Variants in SMARCA4 observed in about 807,000 individuals in gnomAD.
SMARCA4 encodes the protein SWI/SNF-related matrix-associated actin-dependent regulator of chromatin subfamily A member 4.
A neutral mutation model predicts 193.9 loss-of-function variants in SMARCA4; 31 were observed. That is an observed-to-expected ratio of 0.16 (90% CI 0.12 to 0.22). The LOEUF is 0.22. Among genes scored for constraint, SMARCA4 ranks in the 10% least tolerant of loss-of-function variants. SMARCA4 has a pLI of 1.00. For synonymous variants in SMARCA4, 942 were observed against 933.1 expected (o/e 1.01, Z -0.17); for missense variants, 1,148 against 2,296.0 (o/e 0.50, Z 10.22).
chr19:10,966,882 C>T lies in SMARCA4; in HGVS notation c.-32+5708C>T, dbSNP rs537336977. Among the ~76,000 whole-genome samples the T allele has an allele frequency of 3.3e-5, 5 of 149,894 alleles. No homozygotes were observed. The East Asian group carries it at 5.9e-4, about 18-fold the overall frequency. On this transcript the variant is annotated intron_variant, in intron 1 of 34. Transcript: ENST00000344626. ...CAGCCTGGGCGACAGAGCAAGACTA[C>T]GTCTCTACAAAAGAAAAAAAAAAAG...
Position 11,062,007 on chromosome 19 carries a change from T to C in SMARCA4, c.*191T>C. 1.6e-6 allele frequency: 1 copy of C among 643,366 alleles called. No homozygotes were observed. The highest frequency in any genetic ancestry group is 2.8e-6 in the Non-Finnish European group (1 of 353,108). 39.9% of individuals were successfully genotyped at this position (643,366 alleles called of 1,614,324 possible). ...GTGACTGGCCCTGTCCTGGCATCAG[T>C]AGCATCTGTAACAGCATTAACTGTC... On this transcript the variant is annotated 3_prime_UTR_variant, in exon 35 of 35. Coordinates refer to ENST00000344626, the MANE Select transcript of SMARCA4 (RefSeq NM_003072.5).
intron 30 of SMARCA4, among the ~76,000 whole-genome samples, chr19:11,055,952 A>G (rs1453798738): frequency 6.6e-6 from 1 of 151,822 alleles, no homozygotes; most frequent in Non-Finnish European, 1.5e-5. Context: ...AGACTATCGC[A>G]TTGGGGTTCT....
intron 30 of SMARCA4, among the ~76,000 whole-genome samples, chr19:11,044,404 G>A (rs1032547159): frequency 2.0e-5 from 3 of 152,158 alleles, no homozygotes; most frequent in South Asian, 4.1e-4. Flanking sequence ...TAATGGACAC[G>A]CTGATGGAGA....
In SMARCA4 at chr19:11,019,844, G is replaced by T; in HGVS notation, c.2616+143G>T. 1 of 702,986 alleles carries T rather than the reference G, an allele frequency of 1.4e-6. No homozygotes were observed. The highest frequency in any genetic ancestry group is 2.6e-6 in the Non-Finnish European group (1 of 390,148). 43.5% of individuals were successfully genotyped at this position (702,986 alleles called of 1,614,324 possible). ...GTGAAGACAGCTGCCCTGTGTAGGG[G>T]AAAGGCCTAGGTGGGGGCGACCTCA... On this transcript the variant is annotated intron_variant, in intron 18 of 34. Coordinates refer to ENST00000344626, the MANE Select transcript of SMARCA4 (RefSeq NM_003072.5). This position sits in a 1 kb window ranked among gnomAD's most constrained non-coding sequence, Gnocchi z 6.1.
At chr19:10,992,958 C>T (rs1339792979) in intron 8 of SMARCA4, among the ~76,000 whole-genome samples, 1 of 141,634 alleles carries the variant, frequency 7.1e-6, no homozygotes, top group African/African-American at 2.6e-5. Flanking sequence ...TTAAATAGCC[C>T]TTTTTAAATT....
chr19:11,011,492 T>C (rs1304662044), intron 15 of SMARCA4, among the ~76,000 whole-genome samples: 1 of 152,214 alleles, frequency 6.6e-6, no homozygotes, highest in Non-Finnish European at 1.5e-5. Context: ...CCCAAAGTGC[T>C]GGGATTACAG....
intron 30 of SMARCA4, among the ~76,000 whole-genome samples, chr19:11,043,639 A>G (rs1341911127): frequency 1.3e-5 from 2 of 152,112 alleles, no homozygotes; most frequent in East Asian, 1.9e-4. Flanking sequence ...GGGTGATGGA[A>G]TGAGACCCTG....
chr19:10,973,961 C>T (rs1211678419), intron 1 of SMARCA4, among the ~76,000 whole-genome samples: 2 of 152,128 alleles, frequency 1.3e-5, no homozygotes, highest in African/African-American at 4.8e-5. Context: ...CCATCCTGCC[C>T]ATTGCTGTTG....
intron 30 of SMARCA4, among the ~76,000 whole-genome samples, chr19:11,043,144 C>A (rs11665873): frequency 0.39 from 59,700 of 151,718 alleles, 11,900 homozygotes; most frequent in East Asian, 0.56. Flanking sequence ...TACAAAAATT[C>A]GCCGAGCGTA....
At position 11,019,626 on chromosome 19, in the gene SMARCA4, G is replaced by A. The variant is rs1064796361; in HGVS notation, c.2541G>A (p.Gln847=). 1 of 1,613,188 alleles carries A rather than the reference G, an allele frequency of 6.2e-7. No homozygotes were observed. The highest frequency in any genetic ancestry group is 8.5e-7 in the Non-Finnish European group (1 of 1,179,626). ...SPAARRAFVP[Q]LRSGKFNVLL... ...CAGCAAGACGGGCCTTTGTCCCCCA[G>A]CTCCGGAGTGGGAAGTTCAACGTCT... Residue 847 remains glutamine, a synonymous_variant, in exon 18 of 35, where the codon CAG becomes CAA. Transcript: ENST00000344626. This position sits in a 1 kb window ranked among gnomAD's most constrained non-coding sequence, Gnocchi z 6.1.
At chr19:10,977,348 A>G (rs1195403000) in intron 1 of SMARCA4, among the ~76,000 whole-genome samples, 1 of 150,770 alleles carries the variant, frequency 6.6e-6, no homozygotes, top group Non-Finnish European at 1.5e-5. Flanking sequence ...TTTTGAGATG[A>G]ACTCTTGCTC....
In SMARCA4 at chr19:11,031,793, G is replaced by A. The variant is rs2074947997; in HGVS notation, c.3546+900G>A. On this transcript the variant is annotated intron_variant, in intron 25 of 34. Coordinates refer to ENST00000344626, the MANE Select transcript of SMARCA4 (RefSeq NM_003072.5). This position sits in a 1 kb window ranked among gnomAD's most constrained non-coding sequence, Gnocchi z 4.3. ...GGTCCCTCTTTCTCTCAGAGTGCTT[G>A]TGCAAACACCCTAGGTCTGCGCAGC... 6.6e-6 allele frequency: 1 copy of A among 152,248 alleles called. No homozygotes were observed. The highest frequency in any genetic ancestry group is 2.4e-5 in the African/African-American group (1 of 41,448). The allele number at this position is 152,248 out of a possible 1,614,324, so 9.4% of individuals were successfully genotyped here. A position where few individuals can be genotyped will look rare whatever the true frequency, so the allele number is the denominator to read the frequency against.
intron 34 of SMARCA4, 25 bp from the exon 35 acceptor site, chr19:11,061,759 C>T (rs2076914635): frequency 6.2e-7 from 1 of 1,612,566 alleles, no homozygotes; most frequent in Non-Finnish European, 8.5e-7. Context: ...CCAACGCACA[C>T]TCTCTCCTCC....
At chr19:11,026,497 C>CTTTTTTT in intron 23 of SMARCA4, 151 bp downstream of exon 23, 1 of 371,368 alleles carries the variant, frequency 2.7e-6, no homozygotes, top group Non-Finnish European at 4.9e-6. Flanking sequence ...TAATACAAAT[C>CTTTTTTT]TTTTTTTTTT....
intron 18 of SMARCA4, among the ~76,000 whole-genome samples, chr19:11,020,304 G>T (rs961500517): frequency 2.0e-5 from 3 of 152,090 alleles, no homozygotes; most frequent in Admixed American, 6.5e-5. Flanking sequence ...ATAGCCCTCT[G>T]CCTCCAAAAA....
intron 14 of SMARCA4, 195 bp downstream of exon 14, chr19:11,008,218 C>T (rs1035389692): frequency 2.8e-5 from 16 of 570,910 alleles, no homozygotes; most frequent in Non-Finnish European, 4.3e-5. Context: ...CAATTGCATT[C>T]GCATGGTTCA....
rs887597260 is a variant in SMARCA4 at position 11,019,373 on chromosome 19, G to T, written c.2506-218G>T. 1 of 609,412 alleles carries T rather than the reference G, an allele frequency of 1.6e-6. No homozygotes were observed. The highest frequency in any genetic ancestry group is 2.9e-6 in the Non-Finnish European group (1 of 340,864). 37.8% of individuals were successfully genotyped at this position (609,412 alleles called of 1,614,324 possible). A position where few individuals can be genotyped will look rare whatever the true frequency, so the allele number is the denominator to read the frequency against. On this transcript the variant is annotated intron_variant, in intron 17 of 34. Coordinates refer to ENST00000344626, the MANE Select transcript of SMARCA4 (RefSeq NM_003072.5). This position sits in a 1 kb window ranked among gnomAD's most constrained non-coding sequence, Gnocchi z 6.1. ...GTGGTTCCCTCAGGCCCCGGCCGCC[G>T]CTGGCCTGCACTGCTTCCTCTTCCC...
At chr19:11,053,014 T>C (rs1414363969) in intron 30 of SMARCA4, among the ~76,000 whole-genome samples, 1 of 152,190 alleles carries the variant, frequency 6.6e-6, no homozygotes, top group East Asian at 1.9e-4. Context: ...CCTCTTGCCA[T>C]GCTCAGGTTC....
At chr19:11,051,214 G>A (rs1310173156) in intron 30 of SMARCA4, among the ~76,000 whole-genome samples, 1 of 152,210 alleles carries the variant, frequency 6.6e-6, no homozygotes, top group Non-Finnish European at 1.5e-5. Context: ...CAGTGATAGA[G>A]ACCTTTACAT....
Sources: gnomAD v4.1 joint callset for allele counts (sites outside exome capture counted in the v4.1 genomes callset) on GRCh38, gnomAD v4.1.1 for gene constraint, Gnocchi (gnomAD v3.1) non-coding constraint, MANE v1.5 for transcripts, NCBI Gene and HGNC (gene_info 2026-07-23, HGNC 2026-07-21) for gene names.